The following NYAP2 variants were observed in gnomAD, a reference collection of about 807,000 sequenced individuals.
NYAP2 encodes the protein neuronal tyrosine-phosphorylated phosphoinositide-3-kinase adapter 2.
In NYAP2, 23 loss-of-function variants were observed where a neutral mutation model predicts 50.4. The ratio of observed to expected loss-of-function variants is 0.46; its 90% confidence interval spans 0.33 to 0.65. The LOEUF (loss-of-function observed/expected upper bound fraction) is 0.65, where lower values mean the gene tolerates loss of function less well. Among genes scored for constraint, NYAP2 ranks in the 30% least tolerant of loss-of-function variants. The pLI, the probability that NYAP2 is intolerant of heterozygous loss-of-function variation, is 0.02. For missense variants in NYAP2, 885 were observed against 861.0 expected (o/e 1.03, Z -0.35); for synonymous variants, 394 against 365.2 (o/e 1.08, Z -0.90).
At chr2:225,533,290 A>G (rs1048208917) in intron 4 of NYAP2, among the ~76,000 whole-genome samples, 1 of 152,238 alleles carries the variant, frequency 6.6e-6, no homozygotes, top group African/African-American at 2.4e-5. Flanking sequence ...CCAAGTAACA[A>G]AAGTTCTACT....
intron 5 of NYAP2, among the ~76,000 whole-genome samples, chr2:225,619,270 G>C (rs1225688447): frequency 6.6e-6 from 1 of 152,200 alleles, no homozygotes; most frequent in African/African-American, 2.4e-5. Context: ...ATGCAAAGTG[G>C]AAGTTTGTCT....
rs1412012453 is a variant in NYAP2 at position 225,603,782 on chromosome 2, C to T, written c.1618+20747C>T. ...GTTTGAGGCTTAATCATAACCTTAT[C>T]TGAAGAATATTGTATTGAAAATAGG... On this transcript the variant is annotated intron_variant, in intron 5 of 6. Transcript: ENST00000636099. 3.3e-5 allele frequency among the ~76,000 whole-genome samples: 5 copies of T among 152,166 alleles called. No homozygotes were observed. The East Asian group carries it at 7.7e-4, about 23-fold the overall frequency.
At chr2:225,693,083 C>A in the NYAP2 span, among the ~76,000 whole-genome samples, 1 of 152,038 alleles carries the variant, frequency 6.6e-6, no homozygotes, top group African/African-American at 2.4e-5. Context: ...ATTGATACAT[C>A]ATTATCAGCT....
intron 5 of NYAP2, among the ~76,000 whole-genome samples, chr2:225,619,994 G>A (rs907481363): frequency 2.8e-4 from 42 of 152,170 alleles, no homozygotes; most frequent in African/African-American, 8.4e-4. Context: ...GGATAGGTGC[G>A]TTCTATGCAG....
chr2:225,649,866 G>A (rs773706325), intron 6 of NYAP2, among the ~76,000 whole-genome samples: 44 of 152,282 alleles, frequency 2.9e-4, no homozygotes, highest in African/African-American at 8.9e-4. Context: ...GAAAACAATT[G>A]TTTAAGATCA....
chr2:225,478,894 C>T (rs1268079840), intron 3 of NYAP2, among the ~76,000 whole-genome samples: 1 of 152,078 alleles, frequency 6.6e-6, no homozygotes, highest in African/African-American at 2.4e-5. Flanking sequence ...GAATATTGTG[C>T]AAGGATTGGA....
intron 4 of NYAP2, among the ~76,000 whole-genome samples, chr2:225,533,383 G>T (rs1281999541): frequency 3.9e-5 from 6 of 152,016 alleles, no homozygotes; most frequent in Admixed American, 2.6e-4. Context: ...TATAAGAGCT[G>T]GGCTATCTTT....
At chr2:225,664,964 G>A in the NYAP2 span, among the ~76,000 whole-genome samples, 1 of 152,108 alleles carries the variant, frequency 6.6e-6, no homozygotes, top group Non-Finnish European at 1.5e-5. Flanking sequence ...TTCCATACTC[G>A]AGTGATACAA....
chr2:225,547,869 T>C (rs536784988), intron 4 of NYAP2, among the ~76,000 whole-genome samples: 2 of 152,314 alleles, frequency 1.3e-5, no homozygotes, highest in African/African-American at 4.8e-5. Context: ...GGGGTGGTGA[T>C]GATTCTATTT....
chr2:225,640,246 T>C (rs1233046869), intron 6 of NYAP2, among the ~76,000 whole-genome samples: 1 of 152,200 alleles, frequency 6.6e-6, no homozygotes, highest in Non-Finnish European at 1.5e-5. Flanking sequence ...GATTTCACCT[T>C]TCCTATACCT....
intron 3 of NYAP2, among the ~76,000 whole-genome samples, chr2:225,418,821 A>G (rs1380809905): frequency 1.3e-5 from 2 of 152,214 alleles, no homozygotes; most frequent in Non-Finnish European, 2.9e-5. Flanking sequence ...GAATACTTTT[A>G]TAAAACTCTA....
At chr2:225,399,478 G>C (rs530133482), upstream of NYAP2, among the ~76,000 whole-genome samples, 2 of 151,952 alleles carry the variant, frequency 1.3e-5, no homozygotes, top group African/African-American at 2.4e-5. Flanking sequence ...TTAACAATGA[G>C]TCTATAGGAA....
upstream of NYAP2, among the ~76,000 whole-genome samples, chr2:225,398,603 G>A (rs1270019581): frequency 6.8e-6 from 1 of 146,840 alleles, no homozygotes; most frequent in Non-Finnish European, 1.5e-5. Flanking sequence ...AATGTGCTAA[G>A]TATTTAGAAC....
At position 225,480,422 on chromosome 2, in the gene NYAP2, G is replaced by A. The variant is rs117188329; in HGVS notation, c.222-32949G>A. ...AGGAGAGAAAGATGAAAACCAAGTG[G>A]GTGAGTTTAAGCTATATTTCTTAAC... On this transcript the variant is annotated intron_variant, in intron 3 of 6. Transcript: ENST00000636099. Among the ~76,000 whole-genome samples, 184 of 152,118 alleles carry A rather than the reference G, an allele frequency of 1.2e-3. 1 individual carries two copies. The East Asian group carries it at 0.025, about 21-fold the overall frequency.
intron 6 of NYAP2, among the ~76,000 whole-genome samples, chr2:225,628,388 C>T (rs1325019469): frequency 7.5e-6 from 1 of 133,286 alleles, no homozygotes; most frequent in Non-Finnish European, 1.5e-5. Context: ...ATGGTGCGAT[C>T]TTGGCTCACT....
At chr2:225,404,155 T>C (rs955981494) in intron 2 of NYAP2, among the ~76,000 whole-genome samples, 2 of 151,932 alleles carry the variant, frequency 1.3e-5, no homozygotes, top group Admixed American at 1.3e-4. Context: ...TAATTTACAA[T>C]GAGAATAGCC....
the NYAP2 span, among the ~76,000 whole-genome samples, chr2:225,674,199 T>A: frequency 6.6e-6 from 1 of 152,112 alleles, no homozygotes. Flanking sequence ...GACTGGGGAC[T>A]TGAAGATAAT....
At chr2:225,409,185 T>C (rs1467066902) in intron 3 of NYAP2, 84 bp downstream of exon 3, 1 of 991,594 alleles carries the variant, frequency 1.0e-6, no homozygotes, top group East Asian at 2.6e-5. Flanking sequence ...TGTCACTTGG[T>C]CAGAAAAGGT....
intron 4 of NYAP2, among the ~76,000 whole-genome samples, chr2:225,518,446 T>C (rs1008295621): frequency 2.7e-5 from 4 of 145,908 alleles, no homozygotes; most frequent in Admixed American, 7.0e-5. Context: ...TAACTATACT[T>C]AATAACAACA....
Sources: allele counts gnomAD v4.1 joint callset (sites outside exome capture counted in the v4.1 genomes callset), GRCh38; gene constraint gnomAD v4.1.1; transcripts MANE v1.5; gene names NCBI Gene and HGNC (gene_info 2026-07-23, HGNC 2026-07-21).